The following GKAP1 variants were observed in gnomAD, a reference collection of about 807,000 sequenced individuals.
GKAP1 encodes G kinase anchoring protein 1, also known as G kinase-anchoring protein 1.
In GKAP1, 31 loss-of-function variants were observed where a neutral mutation model predicts 56.7. The ratio of observed to expected loss-of-function variants is 0.55; its 90% CI spans 0.41 to 0.74. The LOEUF is 0.74. GKAP1 is among the 30% of genes least tolerant of loss of function. GKAP1 has a pLI of 0.00. For synonymous variants in GKAP1, 151 were observed against 138.6 expected, an observed-to-expected ratio of 1.09 and a Z score of -0.63; for missense variants, 364 against 402.3, an observed-to-expected ratio of 0.90 and a Z score of 0.82.
chr9:83,740,913 T>A (rs1043068608), intron 12 of GKAP1, among the ~76,000 whole-genome samples: 6 of 152,170 alleles, frequency 3.9e-5, no homozygotes, highest in African/African-American at 1.4e-4. Flanking sequence ...CACATAAGAA[T>A]GCTGTCATTC....
Position 83,768,925 on chromosome 9 carries a change from T to G in GKAP1, c.631A>C (p.Asn211His). 6.2e-7 allele frequency: 1 copy of G among 1,610,648 alleles called. No homozygotes were observed. The highest frequency in any genetic ancestry group is 1.1e-5 in the South Asian group (1 of 91,000). The change falls in exon 8 of 13, where the codon AAT (asparagine) becomes CAT (histidine). Residue 211 changes from asparagine (N) to histidine (H), a missense_variant. Transcript: ENST00000376371. ...TTATGAACATCATCTTCCAGTCTAT[T>G]GAAGAATCCTCCATCATGTGATAAA... is the stretch of plus-strand genomic sequence containing the variant. ...QTLSHDGGFF[N>H]RLEDDVHKIL...
chr9:83,774,681 C>T (rs1943822379), intron 7 of GKAP1, among the ~76,000 whole-genome samples: 1 of 138,834 alleles, frequency 7.2e-6, no homozygotes, highest in Non-Finnish European at 1.5e-5. Flanking sequence ...GCAAAAGAAA[C>T]TATCAATAAA....
At chr9:83,760,945 A>C (rs1943559711) in intron 8 of GKAP1, among the ~76,000 whole-genome samples, 1 of 151,952 alleles carries the variant, frequency 6.6e-6, no homozygotes, top group Non-Finnish European at 1.5e-5. Context: ...CCTAACAATT[A>C]ATGTTAAAGA....
rs145238876 is a variant in GKAP1 at position 83,770,386 on chromosome 9, A to G, written c.586-1416T>C. On this transcript the variant is annotated intron_variant, in intron 7 of 12. Coordinates refer to ENST00000376371, the MANE Select transcript of GKAP1 (RefSeq NM_025211.4). ...CTTCTGCATGACAATATCCAGCATC[A>G]TGTGTTGAGAAGATTATTCTTTTGC... is the stretch of plus-strand genomic sequence containing the variant. Among the ~76,000 whole-genome samples the G allele has an allele frequency of 8.0e-3, 1,214 of 152,264 alleles. 30 individuals are homozygous for G. Among genetic ancestry groups the G allele is most frequent in the East Asian group, 0.037 (190 of 5,174 alleles).
intron 4 of GKAP1, among the ~76,000 whole-genome samples, chr9:83,793,217 G>A (rs1366918246): frequency 1.3e-5 from 2 of 152,138 alleles, no homozygotes; most frequent in African/African-American, 4.8e-5. Flanking sequence ...TGAAGAGTTA[G>A]TCTTCAATTC....
chr9:83,806,116 CAA>C (rs879686695), intron 3 of GKAP1, among the ~76,000 whole-genome samples, 184 bp downstream of exon 3: 4 of 128,282 alleles, frequency 3.1e-5, no homozygotes, highest in Non-Finnish European at 3.4e-5. Flanking sequence ...GACCCTGTCT[CAA>C]AAAAAAAAAA....
At chr9:83,758,786 T>C (rs1943520163) in intron 8 of GKAP1, among the ~76,000 whole-genome samples, 2 of 151,538 alleles carry the variant, frequency 1.3e-5, no homozygotes, top group Admixed American at 1.3e-4. Flanking sequence ...TTAGGGTTGA[T>C]TTACTTTTCA....
At position 83,812,178 on chromosome 9, in the gene GKAP1, T is replaced by C. The variant is rs74701373; in HGVS notation, c.-44+4818A>G. 3.3e-3 allele frequency among the ~76,000 whole-genome samples: 502 copies of C among 150,574 alleles called. 25 individuals are homozygous for C. In the East Asian group the frequency reaches 0.087, roughly 26 times the overall value. On this transcript the variant is annotated intron_variant, in intron 2 of 12. Transcript: ENST00000376371. Reference sequence around the variant, plus strand: ...TTCCCCAAATATTCTACAATGACTATATAAATATATATATACACATATATA... The same window carrying C: ...TTCCCCAAATATTCTACAATGACTACATAAATATATATATACACATATATA...
intron 3 of GKAP1, among the ~76,000 whole-genome samples, chr9:83,803,569 G>A (rs1401234172): frequency 5.9e-5 from 9 of 152,248 alleles, no homozygotes; most frequent in Admixed American, 5.9e-4. Flanking sequence ...ATGGTGCCCA[G>A]GCTGGAGTGC....
intron 8 of GKAP1, among the ~76,000 whole-genome samples, chr9:83,763,999 G>A (rs1335165303): frequency 6.6e-6 from 1 of 152,062 alleles, no homozygotes; most frequent in African/African-American, 2.4e-5. Context: ...AGGAACCTAA[G>A]TATGTCCTGA....
At chr9:83,785,269 G>GCTA (rs576790794) in intron 5 of GKAP1, among the ~76,000 whole-genome samples, 44 of 152,006 alleles carry the variant, frequency 2.9e-4, no homozygotes, top group African/African-American at 1.0e-3. Context: ...TCTGACTACT[G>GCTA]CTAAGTTTCC....
chr9:83,762,504 T>A (rs1409325043), intron 8 of GKAP1, among the ~76,000 whole-genome samples: 2 of 152,044 alleles, frequency 1.3e-5, no homozygotes, highest in Non-Finnish European at 2.9e-5. Context: ...TTCAATGCAA[T>A]CCCTATTAAA....
intron 2 of GKAP1, among the ~76,000 whole-genome samples, chr9:83,811,164 G>A (rs1206798546): frequency 6.6e-6 from 1 of 152,218 alleles, no homozygotes; most frequent in Admixed American, 6.5e-5. Flanking sequence ...TGAGGCATAG[G>A]AGAATTGGTA....
intron 5 of GKAP1, 42 bp from the exon 6 acceptor site, chr9:83,784,880 CTG>C: frequency 6.9e-7 from 1 of 1,449,010 alleles, no homozygotes; most frequent in Non-Finnish European, 9.3e-7. Flanking sequence ...AGTTTACAAA[CTG>C]TAAAATAAAC....
At chr9:83,759,241 G>A (rs1187909410) in intron 8 of GKAP1, among the ~76,000 whole-genome samples, 1 of 151,848 alleles carries the variant, frequency 6.6e-6, no homozygotes, top group Non-Finnish European at 1.5e-5. Flanking sequence ...CCTAAATAAT[G>A]TATTAAATTT....
intron 8 of GKAP1, among the ~76,000 whole-genome samples, chr9:83,759,247 A>T (rs1039877187): frequency 1.3e-5 from 2 of 151,960 alleles, no homozygotes; most frequent in Non-Finnish European, 2.9e-5. Flanking sequence ...TAATGTATTA[A>T]ATTTCTATTT....
At chr9:83,748,113 T>C (rs963603445) in intron 10 of GKAP1, among the ~76,000 whole-genome samples, 196 bp downstream of exon 10, 3 of 152,210 alleles carry the variant, frequency 2.0e-5, no homozygotes, top group Non-Finnish European at 2.9e-5. Context: ...CTCAAACATT[T>C]ATCATTTCTT....
intron 2 of GKAP1, among the ~76,000 whole-genome samples, chr9:83,811,910 C>T (rs751969150): frequency 6.6e-6 from 1 of 151,362 alleles, no homozygotes; most frequent in South Asian, 2.1e-4. Flanking sequence ...AACATATCAA[C>T]ACATCATCTA....
intron 8 of GKAP1, among the ~76,000 whole-genome samples, chr9:83,755,609 AAG>A (rs1178735223): frequency 6.6e-6 from 1 of 152,078 alleles, no homozygotes; most frequent in Non-Finnish European, 1.5e-5. Context: ...CATCAAAAAA[AAG>A]AGGAAAAATG....
Sources: gnomAD v4.1 joint callset for allele counts (sites outside exome capture counted in the v4.1 genomes callset) on GRCh38, gnomAD v4.1.1 for gene constraint, MANE v1.5 for transcripts, NCBI Gene and HGNC (gene_info 2026-07-23, HGNC 2026-07-21) for gene names.